FSTL5: variants seen among roughly 807,000 people sequenced by gnomAD.
FSTL5 encodes follistatin-related protein 5.
FSTL5 carries 62 observed loss-of-function variants against 89.1 expected under a neutral mutation model. The ratio of observed to expected loss-of-function variants is 0.70; its 90% CI spans 0.57 to 0.86. The LOEUF (loss-of-function observed/expected upper bound fraction) is 0.86. FSTL5 is among the 40% of genes least tolerant of loss of function. The pLI, the probability that FSTL5 is intolerant of heterozygous loss-of-function variation, is 0.00. For synonymous variants in FSTL5, 383 were observed against 346.2 expected (o/e 1.11, Z -1.18); for missense variants, 1,057 against 1,001.6 (o/e 1.06, Z -0.75).
chr4:162,023,083 A>AT (rs1164126327), intron 3 of FSTL5, among the ~76,000 whole-genome samples: 1 of 152,070 alleles, frequency 6.6e-6, no homozygotes, highest in East Asian at 1.9e-4. Flanking sequence ...CATTTGTACA[A>AT]TTTTTTTAAA....
chr4:161,644,674 A>T (rs978971234), intron 7 of FSTL5, among the ~76,000 whole-genome samples: 1 of 152,150 alleles, frequency 6.6e-6, no homozygotes. Flanking sequence ...TAAAGAGTTT[A>T]TTTTTTTCTC....
chr4:161,536,330 C>A (rs1731614461), intron 10 of FSTL5, among the ~76,000 whole-genome samples: 1 of 152,146 alleles, frequency 6.6e-6, no homozygotes, highest in Non-Finnish European at 1.5e-5. Flanking sequence ...ATATCAGTCT[C>A]TTTCCATGAA....
At chr4:161,541,662 T>A (rs982835020) in intron 9 of FSTL5, among the ~76,000 whole-genome samples, 1 of 152,030 alleles carries the variant, frequency 6.6e-6, no homozygotes, top group Non-Finnish European at 1.5e-5. Context: ...ATATATCCAC[T>A]ATTAAAGTGG....
chr4:161,499,256 T>G (rs545100095), intron 12 of FSTL5, among the ~76,000 whole-genome samples: 1 of 152,252 alleles, frequency 6.6e-6, no homozygotes, highest in East Asian at 1.9e-4. Context: ...TTTTTACATG[T>G]ATAATTAAGT....
chr4:161,634,499 T>C lies in FSTL5; in HGVS notation c.894+21829A>G, dbSNP rs191383792. Among the ~76,000 whole-genome samples the C allele has an allele frequency of 1.8e-3, 274 of 152,122 alleles. 1 individual carries two copies. Among genetic ancestry groups the C allele is most frequent in the African/African-American group, 6.1e-3 (252 of 41,498 alleles). ...GGTATGTAAACCAACAAAATATCCA[T>C]CAACTGACAAATGGATAAAGAAAAT... On this transcript the variant is annotated intron_variant, in intron 7 of 15. Transcript: ENST00000306100.
In FSTL5 at chr4:161,423,647, T is replaced by A. The variant is rs547730750; in HGVS notation, c.1841+31357A>T. On this transcript the variant is annotated intron_variant, in intron 15 of 15. Coordinates refer to ENST00000306100, the MANE Select transcript of FSTL5 (RefSeq NM_020116.5). ...AATATTAGCTTGAATTTCCGGAGAC[T>A]GAGATATTAGTGAAATAAAGCACTG... 4.6e-5 allele frequency among the ~76,000 whole-genome samples: 7 copies of A among 152,134 alleles called. No individual in the cohort carries two copies. The East Asian group carries it at 1.4e-3, about 29-fold the overall frequency.
chr4:161,674,529 A>T (rs1040451268), intron 6 of FSTL5, among the ~76,000 whole-genome samples: 1 of 152,142 alleles, frequency 6.6e-6, no homozygotes, highest in African/African-American at 2.4e-5. Context: ...AGAAAGAAGA[A>T]AAACACTCCA....
chr4:161,875,100 G>T (rs1179672793), intron 4 of FSTL5, among the ~76,000 whole-genome samples: 2 of 151,858 alleles, frequency 1.3e-5, no homozygotes, highest in African/African-American at 4.8e-5. Context: ...TTTTTCCCTT[G>T]TCTTGTTTGT....
intron 4 of FSTL5, among the ~76,000 whole-genome samples, chr4:161,823,969 T>G (rs539008264): frequency 1.3e-5 from 2 of 152,354 alleles, no homozygotes; most frequent in Admixed American, 6.5e-5. Flanking sequence ...GGTTGTCTGT[T>G]TACTCTGCTA....
At chr4:161,678,797 C>T (rs1272240685) in intron 6 of FSTL5, among the ~76,000 whole-genome samples, 1 of 151,734 alleles carries the variant, frequency 6.6e-6, no homozygotes, top group Non-Finnish European at 1.5e-5. Context: ...TGGAGATTTA[C>T]TGTAGATTAT....
chr4:161,493,010 A>C (rs1729937199), intron 12 of FSTL5, among the ~76,000 whole-genome samples: 1 of 151,982 alleles, frequency 6.6e-6, no homozygotes, highest in Non-Finnish European at 1.5e-5. Flanking sequence ...TTTTTAAAAT[A>C]TGGAAAAAAA....
chr4:162,021,104 T>A (rs1418000286), intron 3 of FSTL5, among the ~76,000 whole-genome samples: 1 of 152,136 alleles, frequency 6.6e-6, no homozygotes, highest in Non-Finnish European at 1.5e-5. Context: ...TTCAATTGAA[T>A]CCTGGCATCT....
In FSTL5 at chr4:161,423,682, T is replaced by G. The variant is rs72973157; in HGVS notation, c.1841+31322A>C. On this transcript the variant is annotated intron_variant, in intron 15 of 15. Transcript: ENST00000306100. ...GTGAAATAAAGCACTGTGCATTTCATCATTGAGATAATTGGACAGATACAG... is the reference window on the plus strand; with the variant it reads ...GTGAAATAAAGCACTGTGCATTTCAGCATTGAGATAATTGGACAGATACAG... Among the ~76,000 whole-genome samples the G allele has an allele frequency of 2.1e-3, 321 of 152,186 alleles. 1 individual carries two copies. Among genetic ancestry groups the G allele is most frequent in the African/African-American group, 7.4e-3 (308 of 41,550 alleles).
intron 1 of FSTL5, among the ~76,000 whole-genome samples, chr4:162,135,355 A>G (rs1001017854): frequency 6.6e-6 from 1 of 152,056 alleles, no homozygotes; most frequent in African/African-American, 2.4e-5. Flanking sequence ...TACAAAGGGT[A>G]TACCTTCATT....
chr4:161,463,612 C>T (rs573308454), intron 13 of FSTL5, among the ~76,000 whole-genome samples: 101 of 152,248 alleles, frequency 6.6e-4, no homozygotes, highest in African/African-American at 2.4e-3. Context: ...TACAAAATAC[C>T]TGCTCGTATG....
intron 8 of FSTL5, among the ~76,000 whole-genome samples, chr4:161,556,449 C>T (rs1732396689): frequency 6.6e-6 from 1 of 151,462 alleles, no homozygotes; most frequent in Admixed American, 6.6e-5. Flanking sequence ...ACATGTCTTG[C>T]ATCAGACAGG....
chr4:162,077,026 T>C (rs1268836011), intron 2 of FSTL5, among the ~76,000 whole-genome samples: 2 of 151,824 alleles, frequency 1.3e-5, no homozygotes. Context: ...ATCAGCTGCA[T>C]ATACTTGTCT....
At chr4:161,583,489 T>C (rs998021531) in intron 8 of FSTL5, among the ~76,000 whole-genome samples, 5 of 152,248 alleles carry the variant, frequency 3.3e-5, no homozygotes, top group Non-Finnish European at 5.9e-5. Context: ...GTCTGTATTA[T>C]AGCAGTTAAT....
At chr4:161,884,061 T>TA (rs1055791748) in intron 4 of FSTL5, among the ~76,000 whole-genome samples, 1 of 5,342 alleles carries the variant, frequency 1.9e-4, no homozygotes, top group Non-Finnish European at 1.4e-3. Context: ...TTTAATTTAA[T>TA]TTTTTTTGAG....
Sources: allele counts gnomAD v4.1 joint callset (sites outside exome capture counted in the v4.1 genomes callset), GRCh38; gene constraint gnomAD v4.1.1; transcripts MANE v1.5; gene names NCBI Gene and HGNC (gene_info 2026-07-23, HGNC 2026-07-21).